The following PDE4D variants were observed in gnomAD, a reference collection of about 807,000 sequenced individuals.
PDE4D encodes phosphodiesterase 4D.
A neutral mutation model predicts 87.4 loss-of-function variants in PDE4D; 24 were observed. That is an observed-to-expected ratio of 0.27 (90% CI 0.20 to 0.39). PDE4D has a LOEUF of 0.39. Ranked by LOEUF, PDE4D falls within the 10% of genes least tolerant of loss-of-function variation. The probability of loss-of-function intolerance (pLI) is 1.00; values close to 1 mark genes in which losing one functional copy is unlikely to be tolerated. For missense variants in PDE4D, 714 were observed against 1,041.0 expected, an observed-to-expected ratio of 0.69 and a Z score of 4.32; for synonymous variants, 384 against 383.2, an observed-to-expected ratio of 1.00 and a Z score of -0.02.
chr5:60,131,484 G>A (rs1779577879), intron 2 of PDE4D, among the ~76,000 whole-genome samples: 1 of 152,192 alleles, frequency 6.6e-6, no homozygotes, highest in South Asian at 2.1e-4. Context: ...AAGTTAATGT[G>A]TGCCAATTCT....
rs534489784 is a variant in PDE4D, at chr5:60,369,148, T to C, written c.-90+118794A>G. ...CTCCTGCTTTCTATGCCTTTTTTTT[T>C]CTCTTCTTACCTGTCTTCCTCCCCT... On this transcript the variant is annotated intron_variant, in intron 1 of 16. Coordinates refer to the PDE4D transcript ENST00000502484. Among the ~76,000 whole-genome samples, 16 of 151,904 alleles carry C rather than the reference T, an allele frequency of 1.1e-4. No individual in the cohort carries two copies. In the South Asian group the frequency reaches 1.5e-3, roughly 14 times the overall value.
chr5:59,938,393 T>A (rs1014931399), intron 3 of PDE4D, among the ~76,000 whole-genome samples: 3 of 152,196 alleles, frequency 2.0e-5, no homozygotes, highest in Non-Finnish European at 4.4e-5. Context: ...TTTTATTTTC[T>A]TAAGTCAGAT....
intron 1 of PDE4D, among the ~76,000 whole-genome samples, chr5:59,438,337 A>G (rs1438511147): frequency 6.6e-6 from 1 of 152,136 alleles, no homozygotes; most frequent in Non-Finnish European, 1.5e-5. Context: ...TCTGTCCTAA[A>G]GTGAATTCTG....
chr5:60,483,800 C>T (rs894432017), intron 1 of PDE4D, among the ~76,000 whole-genome samples: 8 of 152,134 alleles, frequency 5.3e-5, no homozygotes, highest in African/African-American at 1.9e-4. Context: ...ATAATCCACT[C>T]CATTTTAATA....
rs192051260 is a variant in PDE4D, at chr5:60,175,845, G to A, written c.42+9712C>T. Among the ~76,000 whole-genome samples the A allele has an allele frequency of 9.9e-4, 150 of 152,188 alleles. 1 individual carries two copies. The highest frequency in any genetic ancestry group is 4.5e-3 in the Admixed American group (69 of 15,284). ...AGTGCTCCTGCAACTTTCTCCAATT[G>A]TTGTGCAAATCCTAGCATATATTCC... is the stretch of plus-strand genomic sequence containing the variant. On this transcript the variant is annotated intron_variant, in intron 2 of 16. Coordinates refer to the PDE4D transcript ENST00000502484.
At chr5:60,415,722 G>T (rs1299252545) in intron 1 of PDE4D, among the ~76,000 whole-genome samples, 1 of 152,222 alleles carries the variant, frequency 6.6e-6, no homozygotes, top group Non-Finnish European at 1.5e-5. Context: ...CTCCTGTGCA[G>T]CCCGAGCCTC....
chr5:59,809,900 G>A (rs542195677), intron 1 of PDE4D, among the ~76,000 whole-genome samples: 1 of 152,270 alleles, frequency 6.6e-6, no homozygotes, highest in African/African-American at 2.4e-5. Flanking sequence ...TAGAGAGCAT[G>A]TGGGAACCCC....
chr5:59,567,122 G>T (rs145228801), intron 1 of PDE4D, among the ~76,000 whole-genome samples: 1 of 152,106 alleles, frequency 6.6e-6, no homozygotes, highest in Admixed American at 6.6e-5. Context: ...TCCTTGGGAC[G>T]TTCATTGAAA....
Position 59,893,676 on chromosome 5 carries a change from C to A in PDE4D, c.-54G>T. On this transcript the variant is annotated 5_prime_UTR_variant, in exon 1 of 15. Transcript: ENST00000340635. Reference sequence around the variant, plus strand: ...CCAGCCCGGGTTCACCGCGCTGGCCCGAGCGCCTTCCTGATGCTGCTGCTG... The same window carrying A: ...CCAGCCCGGGTTCACCGCGCTGGCCAGAGCGCCTTCCTGATGCTGCTGCTG... 7.1e-7 allele frequency: 1 copy of A among 1,404,314 alleles called. No individual in the cohort carries two copies. The highest frequency in any genetic ancestry group is 9.2e-7 in the Non-Finnish European group (1 of 1,090,204). The allele number at this position is 1,404,314 out of a possible 1,614,324, so 87.0% of individuals were successfully genotyped here.
chr5:59,145,814 T>C (rs1372385771), intron 5 of PDE4D, among the ~76,000 whole-genome samples: 1 of 152,134 alleles, frequency 6.6e-6, no homozygotes, highest in Admixed American at 6.6e-5. Context: ...TATCCAAAGA[T>C]AAGTTCAATA....
rs539721348 is a variant in PDE4D, at chr5:60,426,504, C to T, written c.-90+61438G>A. Among the ~76,000 whole-genome samples the T allele has an allele frequency of 1.8e-4, 28 of 151,736 alleles. No individual in the cohort carries two copies. The Middle Eastern group carries it at 0.01, about 55-fold the overall frequency. On this transcript the variant is annotated intron_variant, in intron 1 of 16. Coordinates refer to the PDE4D transcript ENST00000502484. ...ATGAGAACACTTGGACACAGGGTGG[C>T]GAACATCACACACCAGGGCCTGTTG... is the stretch of plus-strand genomic sequence containing the variant.
chr5:60,192,843 A>G (rs76775064), intron 1 of PDE4D, among the ~76,000 whole-genome samples: 2 of 152,342 alleles, frequency 1.3e-5, no homozygotes, highest in East Asian at 1.9e-4. Context: ...GGATTAAAAG[A>G]AAGTATTTGA....
chr5:59,014,375 C>T (rs1268225565), intron 6 of PDE4D, among the ~76,000 whole-genome samples: 3 of 152,174 alleles, frequency 2.0e-5, no homozygotes, highest in Non-Finnish European at 4.4e-5. Context: ...TTGCAGATGA[C>T]ATGATTATAT....
intron 1 of PDE4D, among the ~76,000 whole-genome samples, chr5:59,642,874 A>C (rs1741834150): frequency 6.6e-6 from 1 of 152,226 alleles, no homozygotes; most frequent in Non-Finnish European, 1.5e-5. Context: ...GTATAACAAA[A>C]TACTTCTAAT....
intron 1 of PDE4D, among the ~76,000 whole-genome samples, chr5:59,522,951 T>C (rs770340759): frequency 1.2e-4 from 18 of 152,356 alleles, no homozygotes; most frequent in Non-Finnish European, 1.0e-4. Flanking sequence ...TTATTGTTAA[T>C]ATGAATATTT....
intron 6 of PDE4D, among the ~76,000 whole-genome samples, chr5:59,017,584 C>CA (rs981054559): frequency 6.6e-6 from 1 of 152,152 alleles, no homozygotes; most frequent in African/African-American, 2.4e-5. Flanking sequence ...AGCTGCCAGA[C>CA]AGTTGAGTTT....
At chr5:59,697,217 T>C (rs1276173889) in intron 1 of PDE4D, among the ~76,000 whole-genome samples, 2 of 152,222 alleles carry the variant, frequency 1.3e-5, no homozygotes, top group South Asian at 2.1e-4. Context: ...ACCTAAGTAC[T>C]AGGCACTAGA....
chr5:60,014,049 T>A (rs1765275682), intron 2 of PDE4D, among the ~76,000 whole-genome samples: 1 of 141,228 alleles, frequency 7.1e-6, no homozygotes. Context: ...GCCGAGATCA[T>A]GCCACTGCAC....
At chr5:59,852,470 T>C (rs1040511346) in intron 1 of PDE4D, among the ~76,000 whole-genome samples, 3 of 152,018 alleles carry the variant, frequency 2.0e-5, no homozygotes, top group Non-Finnish European at 2.9e-5. Context: ...CAACAAAGAA[T>C]TGAAGTCTCC....
Sources: allele counts gnomAD v4.1 joint callset (sites outside exome capture counted in the v4.1 genomes callset), GRCh38; gene constraint gnomAD v4.1.1; transcripts MANE v1.5; gene names NCBI Gene and HGNC (gene_info 2026-07-23, HGNC 2026-07-21).